TEAD1: variants seen among roughly 807,000 people sequenced by gnomAD.
TEAD1 encodes the protein TEA domain transcription factor 1.
A neutral mutation model predicts 54.9 loss-of-function variants in TEAD1; 9 were observed. That is an observed-to-expected ratio of 0.16 (90% CI 0.10 to 0.29). The LOEUF (loss-of-function observed/expected upper bound fraction) is 0.29, where lower values mean the gene tolerates loss of function less well. Among genes scored for constraint, TEAD1 ranks in the 10% least tolerant of loss-of-function variants. TEAD1 has a pLI of 1.00. For synonymous variants in TEAD1, 200 were observed against 187.8 expected, an observed-to-expected ratio of 1.07 and a Z score of -0.53; for missense variants, 387 against 535.9, an observed-to-expected ratio of 0.72 and a Z score of 2.74.
rs78477552 is a variant in TEAD1 at position 12,779,921 on chromosome 11, C to T, written c.202+15487C>T. On this transcript the variant is annotated intron_variant, in intron 3 of 12. Coordinates refer to ENST00000527636, the MANE Select transcript of TEAD1 (RefSeq NM_021961.6). ...CTAGGATTAGAAGAGAGCCTCTCAC[C>T]TGCTAAAGGGCATCTGTGAAAAATC... Among the ~76,000 whole-genome samples the T allele has an allele frequency of 7.6e-3, 1,161 of 152,320 alleles. 10 individuals are homozygous for T. The highest frequency in any genetic ancestry group is 0.041 in the East Asian group (212 of 5,184).
chr11:12,904,570 A>G (rs1948484777), intron 10 of TEAD1, among the ~76,000 whole-genome samples: 1 of 152,204 alleles, frequency 6.6e-6, no homozygotes, highest in Non-Finnish European at 1.5e-5. Context: ...ATCAAAGGAA[A>G]ATGACCACTG....
chr11:12,921,134 A>T (rs1321552832), intron 10 of TEAD1: 1 of 152,244 alleles, frequency 6.6e-6, no homozygotes, highest in Non-Finnish European at 1.5e-5. Flanking sequence ...TGAGAAATGG[A>T]TAACATTGGT....
intron 3 of TEAD1, among the ~76,000 whole-genome samples, chr11:12,830,126 T>TAGCAAGGC (rs1946742543): frequency 6.6e-6 from 1 of 152,040 alleles, no homozygotes; most frequent in Non-Finnish European, 1.5e-5. Flanking sequence ...ATAGAGGAGC[T>TAGCAAGGC]TAGCCTTGCT....
rs553457193 is a variant in TEAD1, at chr11:12,934,730, A to G, written c.1168-2379A>G. On this transcript the variant is annotated intron_variant, in intron 12 of 12. Transcript: ENST00000527636. ...CAGAATGCTCAAGTCTGCACTTTCT[A>G]CCTCAGAGGTTATCATTGAAATATT... is the stretch of plus-strand genomic sequence containing the variant. Among the ~76,000 whole-genome samples the G allele has an allele frequency of 5.9e-5, 9 of 152,168 alleles. No homozygotes were observed. The South Asian group carries it at 1.7e-3, about 28-fold the overall frequency.
At chr11:12,893,282 A>G (rs1434852024) in intron 9 of TEAD1, among the ~76,000 whole-genome samples, 2 of 151,982 alleles carry the variant, frequency 1.3e-5, no homozygotes, top group Non-Finnish European at 2.9e-5. Context: ...AGGACGTAGG[A>G]GATGGAGTGT....
intron 3 of TEAD1, among the ~76,000 whole-genome samples, chr11:12,774,634 C>G (rs1945382536): frequency 6.6e-6 from 1 of 152,112 alleles, no homozygotes; most frequent in African/African-American, 2.4e-5. Context: ...GCTCTTTGAG[C>G]CTTGTTGCCA....
At chr11:12,832,517 G>A (rs1477875273) in intron 3 of TEAD1, among the ~76,000 whole-genome samples, 1 of 152,102 alleles carries the variant, frequency 6.6e-6, no homozygotes, top group African/African-American at 2.4e-5. Flanking sequence ...TCTGCTTCTT[G>A]CACTAATCAT....
chr11:12,846,282 C>T (rs1256109481), intron 3 of TEAD1, among the ~76,000 whole-genome samples: 2 of 137,526 alleles, frequency 1.5e-5, no homozygotes, highest in Non-Finnish European at 3.1e-5. Context: ...TCAGTCTGTG[C>T]ACAGCTTAAA....
intron 3 of TEAD1, among the ~76,000 whole-genome samples, chr11:12,776,160 A>G (rs2133941614): frequency 6.6e-6 from 1 of 152,248 alleles, no homozygotes; most frequent in Non-Finnish European, 1.5e-5. Flanking sequence ...AGGTTTTAGG[A>G]CATTGGTCCG....
intron 3 of TEAD1, among the ~76,000 whole-genome samples, chr11:12,848,171 G>T (rs1947195968): frequency 6.6e-6 from 1 of 152,126 alleles, no homozygotes; most frequent in East Asian, 1.9e-4. Context: ...TCTCTTCCTA[G>T]ACCATAAACT....
intron 3 of TEAD1, among the ~76,000 whole-genome samples, chr11:12,764,942 A>G (rs7104832): frequency 0.48 from 71,804 of 149,134 alleles, 19,409 homozygotes; most frequent in African/African-American, 0.74. Flanking sequence ...TTTTTTTAAA[A>G]CAACTCTGTA....
intron 9 of TEAD1, among the ~76,000 whole-genome samples, chr11:12,895,207 C>G (rs766587244): frequency 2.6e-5 from 4 of 152,120 alleles, no homozygotes; most frequent in Non-Finnish European, 5.9e-5. Context: ...TAACCCCCCC[C>G]GGGTATCTCA....
chr11:12,739,770 A>G (rs970089336), intron 2 of TEAD1, among the ~76,000 whole-genome samples: 1 of 152,062 alleles, frequency 6.6e-6, no homozygotes, highest in African/African-American at 2.4e-5. Flanking sequence ...TACTGATTAC[A>G]TGTTAGGTGC....
At chr11:12,879,434 C>G (rs1029709225) in intron 5 of TEAD1, 1 of 600,986 alleles carries the variant, frequency 1.7e-6, no homozygotes, top group African/African-American at 1.9e-5. Context: ...AATACGTTGT[C>G]CACTCTTCTG....
chr11:12,689,744 G>GC (rs1259386093), intron 2 of TEAD1, among the ~76,000 whole-genome samples: 1 of 152,044 alleles, frequency 6.6e-6, no homozygotes, highest in African/African-American at 2.4e-5. Context: ...TTGAACCCCT[G>GC]TGCACCCATT....
intron 3 of TEAD1, among the ~76,000 whole-genome samples, chr11:12,772,570 A>T (rs1945333880): frequency 6.6e-6 from 1 of 152,222 alleles, no homozygotes; most frequent in African/African-American, 2.4e-5. Context: ...TGATTAAAAG[A>T]ACTACTCAGC....
chr11:12,879,922 A>G (rs1947931443), intron 6 of TEAD1, 80 bp downstream of exon 6: 9 of 1,597,560 alleles, frequency 5.6e-6, no homozygotes, highest in East Asian at 2.2e-5. Flanking sequence ...TCCCACCTCC[A>G]TTTCTTGTCA....
rs76284455 is a variant in TEAD1, at chr11:12,919,273, T to TG, written c.874-5635dup. On this transcript the variant is annotated intron_variant, in intron 10 of 12. Transcript: ENST00000527636. ...AAATGGAAGCTATATTAAAGTTGTT[T>TG]GGGGAGTTCTAAGAGATAATGGTAA... Among the ~76,000 whole-genome samples the TG allele has an allele frequency of 0.013, 1,996 of 152,262 alleles. 170 individuals are homozygous for TG. In the East Asian group the frequency reaches 0.23, roughly 17 times the overall value.
chr11:12,851,803 GAA>G (rs796812154), intron 3 of TEAD1, among the ~76,000 whole-genome samples: 14 of 143,252 alleles, frequency 9.8e-5, no homozygotes, highest in African/African-American at 3.5e-4. Context: ...CCAAAAAAAG[GAA>G]AAAAAAAAAA....
Sources: gnomAD v4.1 joint callset for allele counts (sites outside exome capture counted in the v4.1 genomes callset) on GRCh38, gnomAD v4.1.1 for gene constraint, MANE v1.5 for transcripts, NCBI Gene and HGNC (gene_info 2026-07-23, HGNC 2026-07-21) for gene names.